The following ZNF638 variants were observed in gnomAD, a reference collection of about 807,000 sequenced individuals.
ZNF638 encodes the protein zinc finger protein 638.
In ZNF638, 46 loss-of-function variants were observed where a neutral mutation model predicts 195.6. The observed-to-expected ratio is 0.24, with a 90% CI of 0.19 to 0.30. The LOEUF (loss-of-function observed/expected upper bound fraction) is 0.30, where lower values mean the gene tolerates loss of function less well. Ranked by LOEUF, ZNF638 falls within the 10% of genes least tolerant of loss-of-function variation. ZNF638 has a pLI of 1.00. For missense variants in ZNF638, 2,440 were observed against 2,325.3 expected (o/e 1.05, Z -1.01); for synonymous variants, 845 against 772.0 (o/e 1.09, Z -1.57).
intron 25 of ZNF638, among the ~76,000 whole-genome samples, chr2:71,430,364 G>GA (rs2080632554): frequency 6.6e-6 from 1 of 152,166 alleles, no homozygotes; most frequent in South Asian, 2.1e-4. Context: ...ATCAAGTTAA[G>GA]AAAAGGAAGA....
intron 1 of ZNF638, among the ~76,000 whole-genome samples, chr2:71,345,351 A>T (rs1382426595): frequency 6.6e-6 from 1 of 152,086 alleles, no homozygotes; most frequent in East Asian, 1.9e-4. Context: ...TTTTTTAACC[A>T]TTGAAGATAT....
intron 2 of ZNF638, among the ~76,000 whole-genome samples, chr2:71,354,486 A>T (rs1043715429): frequency 5.9e-5 from 9 of 152,092 alleles, no homozygotes; most frequent in Non-Finnish European, 7.4e-5. Flanking sequence ...TGTAATCCTA[A>T]CACTTTTGGG....
At chr2:71,395,283 C>G (rs569870019) in intron 10 of ZNF638, 7 of 717,256 alleles carry the variant, frequency 9.8e-6, no homozygotes, top group Middle Eastern at 2.3e-4. Flanking sequence ...ATCGCTACGC[C>G]TGACAAACCT....
At chr2:71,368,666 A>G in intron 7 of ZNF638, 138 bp downstream of exon 7, 3 of 939,546 alleles carry the variant, frequency 3.2e-6, no homozygotes. Context: ...CTGGATGTGA[A>G]TAAGCAAGGC....
At chr2:71,432,725 C>T (rs2080691597) in intron 26 of ZNF638, among the ~76,000 whole-genome samples, 1 of 152,220 alleles carries the variant, frequency 6.6e-6, no homozygotes, top group Non-Finnish European at 1.5e-5. Context: ...CTATTGATCC[C>T]TAAATTTATA....
intron 17 of ZNF638, 90 bp downstream of exon 17, chr2:71,404,088 G>T (rs2080057372): frequency 7.4e-7 from 1 of 1,359,334 alleles, no homozygotes; most frequent in Non-Finnish European, 9.9e-7. Context: ...TTCCACTTTG[G>T]TTCACATTTT....
At chr2:71,407,966 A>T in intron 19 of ZNF638, 156 bp from the exon 20 acceptor site, 1 of 607,004 alleles carries the variant, frequency 1.6e-6, no homozygotes, top group Non-Finnish European at 2.7e-6. Context: ...TGTTGTGAAT[A>T]ATGCTTCTGT....
chr2:71,423,859 T>C lies in ZNF638; in HGVS notation c.4345T>C (p.Leu1449=). Residue 1449 remains leucine (L), a synonymous_variant, in exon 22 of 28, where the codon TTG becomes CTG. Coordinates refer to ENST00000264447, the MANE Select transcript of ZNF638 (RefSeq NM_014497.5). Reference sequence around the variant, plus strand: ...TAAACCCACAAGTGCCAGGTCAGGCTTGGCAGAAAGCAGCAGTAAATTCAA... The same window carrying C: ...TAAACCCACAAGTGCCAGGTCAGGCCTGGCAGAAAGCAGCAGTAAATTCAA... ...LLKPTSARSG[L]AESSSKFKPT... The C allele has an allele frequency of 1.2e-6, 2 of 1,614,114 alleles. No individual in the cohort carries two copies. The highest frequency in any genetic ancestry group is 1.7e-6 in the Non-Finnish European group (2 of 1,180,000).
chr2:71,423,696 C>T lies in ZNF638; in HGVS notation c.4182C>T (p.Ile1394=). ...ATGTATCTAGCAGTAAACCAAGCAT[C>T]AAGGCTGTTATAGTCTCTTCTCCTA... ...VSDVSSSKPS[I]KAVIVSSPKA... The change falls in exon 22 of 28, where the codon ATC becomes ATT. Residue 1394 remains isoleucine, a synonymous_variant. Coordinates refer to ENST00000264447, the MANE Select transcript of ZNF638 (RefSeq NM_014497.5). 6.2e-7 allele frequency: 1 copy of T among 1,613,842 alleles called. No individual in the cohort carries two copies. Among genetic ancestry groups the T allele is most frequent in the Non-Finnish European group, 8.5e-7 (1 of 1,180,002 alleles).
intron 8 of ZNF638, among the ~76,000 whole-genome samples, chr2:71,371,933 A>G (rs1171089511): frequency 1.3e-5 from 2 of 151,974 alleles, no homozygotes; most frequent in Non-Finnish European, 1.5e-5. Context: ...TCATTTTTGT[A>G]CAGCATTTGC....
At chr2:71,424,370 C>T (rs1246127018) in intron 22 of ZNF638, among the ~76,000 whole-genome samples, 2 of 151,712 alleles carry the variant, frequency 1.3e-5, no homozygotes, top group Non-Finnish European at 2.9e-5. Flanking sequence ...ACTGTTTCCT[C>T]TCTTAAATTG....
intron 10 of ZNF638, among the ~76,000 whole-genome samples, chr2:71,394,424 T>G (rs2079851249): frequency 6.6e-6 from 1 of 152,182 alleles, no homozygotes; most frequent in South Asian, 2.1e-4. Context: ...AGTGCCTGAT[T>G]TGCACTACCC....
intron 2 of ZNF638, among the ~76,000 whole-genome samples, chr2:71,354,885 T>C (rs1004356201): frequency 8.5e-5 from 13 of 152,232 alleles, no homozygotes; most frequent in African/African-American, 2.9e-4. Flanking sequence ...CCCATGTTTT[T>C]CCTAATCTTA....
At chr2:71,430,452 C>A (rs183613350) in intron 25 of ZNF638, among the ~76,000 whole-genome samples, 3 of 152,206 alleles carry the variant, frequency 2.0e-5, no homozygotes, top group Non-Finnish European at 2.9e-5. Flanking sequence ...TTTCAGAGTT[C>A]CTTGCCATCC....
chr2:71,420,475 A>G (rs2080408421), intron 21 of ZNF638, among the ~76,000 whole-genome samples: 1 of 152,160 alleles, frequency 6.6e-6, no homozygotes, highest in Non-Finnish European at 1.5e-5. Flanking sequence ...ATAAACACTA[A>G]TCTTTAGTAT....
In ZNF638 at chr2:71,431,316, A is replaced by C; in HGVS notation, c.5651-11A>C. The C allele has an allele frequency of 6.2e-7, 1 of 1,603,152 alleles. No homozygotes were observed. The highest frequency in any genetic ancestry group is 1.1e-5 in the South Asian group (1 of 90,326). On this transcript the variant is annotated splice_polypyrimidine_tract_variant and intron_variant, in intron 25 of 27. Coordinates refer to ENST00000264447, the MANE Select transcript of ZNF638 (RefSeq NM_014497.5). Reference sequence around the variant, plus strand: ...TATTCTGAATAGCTTTTTTTCCTCGAAAAATTTTAGTTGATGAGGAATCTG... The same window carrying C: ...TATTCTGAATAGCTTTTTTTCCTCGCAAAATTTTAGTTGATGAGGAATCTG...
intron 16 of ZNF638, among the ~76,000 whole-genome samples, chr2:71,402,911 A>C (rs7578166): frequency 0.56 from 85,494 of 151,850 alleles, 25,445 homozygotes; most frequent in East Asian, 0.85. Flanking sequence ...TTGCTTTAGA[A>C]AATGGTAGAA....
chr2:71,427,300 A>G lies in ZNF638; in HGVS notation c.5431A>G (p.Lys1811Glu), dbSNP rs557798565. The G allele has an allele frequency of 1.9e-6, 3 of 1,613,594 alleles. No individual in the cohort carries two copies. The highest frequency in any genetic ancestry group is 2.7e-5 in the African/African-American group (2 of 74,990). ...CACAGATAAAAAAGGGAATAGAAAG[A>G]AGAGAGCTGTGGACACAAAAAAGAC... ...HPTDKKGNRK[K>E]RAVDTKKTKL... Residue 1811 changes from lysine (K) to glutamate (E), a missense_variant, in exon 24 of 28, where the codon AAG becomes GAG. Coordinates refer to ENST00000264447, the MANE Select transcript of ZNF638 (RefSeq NM_014497.5).
In ZNF638 at chr2:71,400,146, A is replaced by C. The variant is rs2079978021; in HGVS notation, c.2622A>C (p.Lys874Asn). 1 of 1,609,572 alleles carries C rather than the reference A, an allele frequency of 6.2e-7. No homozygotes were observed. The highest frequency in any genetic ancestry group is 1.1e-5 in the South Asian group (1 of 90,016). ...NSEIKTSIEV[K>N]ATENCAKEAI... ...AAATAAAGACCAGTATTGAAGTCAA[A>C]GCCACTGAAAACTGTGCTAAAGAAG... The change falls in exon 14 of 28, where the codon AAA (lysine) becomes AAC (asparagine). Residue 874 changes from lysine (K) to asparagine (N), a missense_variant. Physicochemically the swap from Lys to Asn is moderately conservative, Grantham distance 94. Coordinates refer to ENST00000264447, the MANE Select transcript of ZNF638 (RefSeq NM_014497.5).
Sources: allele counts gnomAD v4.1 joint callset (sites outside exome capture counted in the v4.1 genomes callset), GRCh38; gene constraint gnomAD v4.1.1; transcripts MANE v1.5; gene names NCBI Gene and HGNC (gene_info 2026-07-23, HGNC 2026-07-21).